VPS13B: variants seen among roughly 807,000 people sequenced by gnomAD.
The protein encoded by VPS13B is intermembrane lipid transfer protein VPS13B.
A neutral mutation model predicts 426.4 loss-of-function variants in VPS13B; 285 were observed. The ratio of observed to expected loss-of-function variants is 0.67; its 90% CI spans 0.61 to 0.74. The LOEUF (loss-of-function observed/expected upper bound fraction) is 0.74, where lower values mean the gene tolerates loss of function less well. VPS13B is among the 30% of genes least tolerant of loss of function. The probability of loss-of-function intolerance (pLI) is 0.00; values close to 1 mark genes in which losing one functional copy is unlikely to be tolerated. For missense variants in VPS13B, 4,537 were observed against 4,782.6 expected (o/e 0.95, Z 1.51); for synonymous variants, 1,676 against 1,676.4 (o/e 1.00, Z 0.01).
At chr8:99,779,415 C>T (rs1056712716) in intron 42 of VPS13B, among the ~76,000 whole-genome samples, 1 of 152,058 alleles carries the variant, frequency 6.6e-6, no homozygotes. Context: ...ACCTGTGTGA[C>T]CCTTTCTAAT....
At chr8:99,548,585 AAT>A (rs754648887) in intron 30 of VPS13B, among the ~76,000 whole-genome samples, 62 of 152,132 alleles carry the variant, frequency 4.1e-4, no homozygotes, top group Admixed American at 1.2e-3. Context: ...AAACATTTTG[AAT>A]ATGTTTTCTT....
intron 30 of VPS13B, among the ~76,000 whole-genome samples, chr8:99,544,008 G>GC (rs1367209928): frequency 6.9e-6 from 1 of 145,516 alleles, no homozygotes; most frequent in African/African-American, 2.6e-5. Context: ...AAAGACACAT[G>GC]CACACGTATG....
intron 15 of VPS13B, 79 bp from the exon 16 acceptor site, chr8:99,169,960 G>C (rs1361789855): frequency 1.3e-6 from 2 of 1,554,624 alleles, no homozygotes; most frequent in Non-Finnish European, 1.8e-6. Context: ...TGTAAAGCAA[G>C]TTGAAACTGA....
chr8:99,677,728 G>A (rs938086799), intron 35 of VPS13B, among the ~76,000 whole-genome samples: 2 of 151,798 alleles, frequency 1.3e-5, no homozygotes, highest in Non-Finnish European at 2.9e-5. Context: ...CAGTAGAGTC[G>A]CAGTCATTTA....
intron 3 of VPS13B, among the ~76,000 whole-genome samples, chr8:99,095,537 A>G (rs1208962977): frequency 6.6e-6 from 1 of 152,214 alleles, no homozygotes. Flanking sequence ...AAACAAACAA[A>G]AAGTATTGCT....
At chr8:99,499,780 T>C (rs1372476093) in intron 25 of VPS13B, among the ~76,000 whole-genome samples, 2 of 152,180 alleles carry the variant, frequency 1.3e-5, no homozygotes, top group African/African-American at 4.8e-5. Flanking sequence ...GTAACTATAC[T>C]GTCTTCAGGT....
chr8:99,329,419 A>G (rs575417017), intron 19 of VPS13B, among the ~76,000 whole-genome samples: 2 of 152,246 alleles, frequency 1.3e-5, no homozygotes, highest in African/African-American at 4.8e-5. Flanking sequence ...TGTGGTCTAT[A>G]TATTTTGTTT....
intron 16 of VPS13B, among the ~76,000 whole-genome samples, chr8:99,188,821 A>C (rs1011638670): frequency 6.6e-5 from 10 of 152,128 alleles, no homozygotes; most frequent in Middle Eastern, 3.2e-3. Flanking sequence ...GATGTCTAAT[A>C]ATGTTGAGCA....
At chr8:99,562,712 T>C (rs926339475) in intron 31 of VPS13B, among the ~76,000 whole-genome samples, 2 of 152,174 alleles carry the variant, frequency 1.3e-5, no homozygotes, top group African/African-American at 4.8e-5. Flanking sequence ...TTTTTTTGTT[T>C]ATGGTATGAG....
chr8:99,795,705 G>C (rs1374904019), intron 43 of VPS13B, among the ~76,000 whole-genome samples: 1 of 152,114 alleles, frequency 6.6e-6, no homozygotes. Context: ...GGCTCATCTG[G>C]TCTGGAAGAT....
chr8:99,350,592 TA>T (rs1563682137), intron 19 of VPS13B, among the ~76,000 whole-genome samples: 1 of 152,164 alleles, frequency 6.6e-6, no homozygotes, highest in African/African-American at 2.4e-5. Flanking sequence ...TGAGAAGTAT[TA>T]AAGTTAACAT....
chr8:99,873,611 T>C (rs906871510), intron 61 of VPS13B, among the ~76,000 whole-genome samples: 1 of 152,166 alleles, frequency 6.6e-6, no homozygotes, highest in Non-Finnish European at 1.5e-5. Flanking sequence ...CTATTCCACT[T>C]TCTCTCTCCT....
At chr8:99,704,857 C>T (rs1032047543) in intron 36 of VPS13B, among the ~76,000 whole-genome samples, 3 of 151,992 alleles carry the variant, frequency 2.0e-5, no homozygotes, top group Non-Finnish European at 4.4e-5. Flanking sequence ...ACCCCACAAG[C>T]GCAAAAGAAA....
At chr8:99,589,194 AT>A (rs953502642) in intron 33 of VPS13B, among the ~76,000 whole-genome samples, 3 of 151,256 alleles carry the variant, frequency 2.0e-5, no homozygotes, top group Non-Finnish European at 2.9e-5. Context: ...GCTGGATTTG[AT>A]TTTCCAGTAT....
intron 34 of VPS13B, among the ~76,000 whole-genome samples, chr8:99,651,661 A>G (rs771066465): frequency 9.2e-5 from 14 of 152,168 alleles, no homozygotes; most frequent in Non-Finnish European, 1.9e-4. Context: ...AGTTGTGTTT[A>G]TAAATATTTA....
chr8:99,642,361 T>TA lies in VPS13B; in HGVS notation c.5772dup (p.Gln1925ThrfsTer32), dbSNP rs754016783. The TA allele has an allele frequency of 6.2e-7, 1 of 1,614,148 alleles. No individual in the cohort carries two copies. The highest frequency in any genetic ancestry group is 8.5e-7 in the Non-Finnish European group (1 of 1,180,000). Reference sequence around the variant, plus strand: ...CCTGGTCGAAGAGGAACTGGTGACTTACAGCTAGAGCCTTTTCTGTACTTT... The same window carrying TA: ...CCTGGTCGAAGAGGAACTGGTGACTTAACAGCTAGAGCCTTTTCTGTACTTT... On this transcript the variant is annotated frameshift_variant, in exon 34 of 62. Coordinates refer to ENST00000357162, the MANE Select transcript of VPS13B (RefSeq NM_152564.5). LOFTEE classifies it high-confidence loss of function.
chr8:99,538,328 C>G (rs1823369322), intron 30 of VPS13B, among the ~76,000 whole-genome samples: 1 of 152,012 alleles, frequency 6.6e-6, no homozygotes, highest in Non-Finnish European at 1.5e-5. Flanking sequence ...AATATTTATT[C>G]AGTTTAAAAT....
At chr8:99,279,801 G>A (rs994129903) in intron 19 of VPS13B, among the ~76,000 whole-genome samples, 4 of 151,158 alleles carry the variant, frequency 2.6e-5, no homozygotes, top group Non-Finnish European at 4.4e-5. Context: ...ATGGAGTCTC[G>A]TACTGTCGCC....
At chr8:99,597,344 A>C (rs1588533940) in intron 33 of VPS13B, among the ~76,000 whole-genome samples, 5 of 152,156 alleles carry the variant, frequency 3.3e-5, no homozygotes, top group Admixed American at 2.6e-4. Context: ...AAATAAGTTT[A>C]GGTATAATAC....
Sources: gnomAD v4.1 joint callset for allele counts (sites outside exome capture counted in the v4.1 genomes callset) on GRCh38, gnomAD v4.1.1 for gene constraint, MANE v1.5 for transcripts, NCBI Gene and HGNC (gene_info 2026-07-23, HGNC 2026-07-21) for gene names.